KLHL9: variants seen among roughly 807,000 people sequenced by gnomAD.
KLHL9 encodes the protein kelch-like protein 9.
Under a neutral mutation model 42.3 loss-of-function variants are expected in KLHL9, and 27 were observed. That is an observed-to-expected ratio of 0.64 (90% confidence interval 0.47 to 0.88). The LOEUF is 0.88. Ranked by LOEUF, KLHL9 falls within the 40% of genes least tolerant of loss-of-function variation. The pLI is 0.00. For synonymous variants in KLHL9, 274 were observed against 254.4 expected, an observed-to-expected ratio of 1.08 and a Z score of -0.73; for missense variants, 629 against 750.3, an observed-to-expected ratio of 0.84 and a Z score of 1.89.
Position 21,334,270 on chromosome 9 carries a change from C to A in KLHL9, c.590G>T (p.Arg197Leu). 1 of 1,614,070 alleles carries A rather than the reference C, an allele frequency of 6.2e-7. No homozygotes were observed. The highest frequency in any genetic ancestry group is 1.1e-5 in the South Asian group (1 of 91,056). ...ATTACTGGAAAGCACAAATGCAAGT[C>A]GTTCAAAAGGGAGTTTTAGAAACTC... is the stretch of plus-strand genomic sequence containing the variant. ...TGEFLKLPFE[R>L]LAFVLSSNSL... The change falls in exon 1 of 1, where the codon CGA becomes CTA. Residue 197 changes from arginine to leucine, a missense_variant. By Grantham distance (102) the Arg-to-Leu change is moderately radical. Transcript: ENST00000359039. The surrounding 1 kb of genome is among the most constrained non-coding windows in gnomAD (Gnocchi z 5.1).
rs1292151529 is a variant in KLHL9 at position 21,332,926 on chromosome 9, C to G, written c.*80G>C. On this transcript the variant is annotated 3_prime_UTR_variant, in exon 1 of 1. Transcript: ENST00000359039. ...GTTACCTTTATATCTAATAACTGTA[C>G]CAATCACTGTAAGAAGATACAACTG... The G allele has an allele frequency of 4.4e-6, 7 of 1,596,278 alleles. No homozygotes were observed. The highest frequency in any genetic ancestry group is 5.1e-6 in the Non-Finnish European group (6 of 1,169,258).
Position 21,333,087 on chromosome 9 carries a change from T to C in KLHL9, c.1773A>G (p.Thr591=), listed in dbSNP as rs1194486642. 1 of 1,614,156 alleles carries C rather than the reference T, an allele frequency of 6.2e-7. No individual in the cohort carries two copies. The highest frequency in any genetic ancestry group is 1.3e-5 in the African/African-American group (1 of 75,028). ...TTTCTTCAGGTGGAAAAACTGTGAGTGTACAGGCTCGAATGCCACCAAGTG... is the reference window on the plus strand; with the variant it reads ...TTTCTTCAGGTGGAAAAACTGTGAGCGTACAGGCTCGAATGCCACCAAGTG... ...PESLGGIRAC[T]LTVFPPEENP... Residue 591 remains threonine (T), a synonymous_variant, in exon 1 of 1, where the codon ACA becomes ACG. Coordinates refer to ENST00000359039, the MANE Select transcript of KLHL9 (RefSeq NM_018847.4). The surrounding 1 kb of genome is among the most constrained non-coding windows in gnomAD (Gnocchi z 7.5).
rs1290563456 is a variant in KLHL9, at chr9:21,335,078, TAGAC to T, written c.-223_-220del. 11 of 605,074 alleles carry T rather than the reference TAGAC, an allele frequency of 1.8e-5. No individual in the cohort carries two copies. Among genetic ancestry groups the T allele is most frequent in the Non-Finnish European group, 3.2e-5 (11 of 346,932 alleles). The allele number at this position is 605,074 out of a possible 1,614,324, so 37.5% of individuals were successfully genotyped here. On this transcript the variant is annotated 5_prime_UTR_variant, in exon 1 of 1. The change abolishes the stop of an existing upstream ORF in the 5' untranslated region. Transcript: ENST00000359039. Reference sequence around the variant, plus strand: ...GGCTGTGGACCTCAAATCTGATTATTAGACAGATGATTCATCACCTGAAGGCGGT... The same window carrying T: ...GGCTGTGGACCTCAAATCTGATTATTAGATGATTCATCACCTGAAGGCGGT...
chr9:21,334,028 T>G lies in KLHL9; in HGVS notation c.832A>C (p.Met278Leu), dbSNP rs1214890275. ...ATCACTGGCTGCATATATGGCATCATTTGGTAATTGCTAGCTTCCAAAAGC... is the reference window on the plus strand; with the variant it reads ...ATCACTGGCTGCATATATGGCATCAGTTGGTAATTGCTAGCTTCCAAAAGC... ...NLLLEASNYQ[M>L]MPYMQPVMQS... The change falls in exon 1 of 1, where the codon ATG (methionine) becomes CTG (leucine). Residue 278 changes from methionine (M) to leucine (L), a missense_variant. By Grantham distance (15) the Met-to-Leu change is conservative (BLOSUM62 2). Coordinates refer to ENST00000359039, the MANE Select transcript of KLHL9 (RefSeq NM_018847.4). This position sits in a 1 kb window ranked among gnomAD's most constrained non-coding sequence, Gnocchi z 5.1. 6.2e-7 allele frequency: 1 copy of G among 1,614,240 alleles called. No individual in the cohort carries two copies. The highest frequency in any genetic ancestry group is 1.7e-5 in the Admixed American group (1 of 60,034).
chr9:21,332,873 TA>T lies in KLHL9; in HGVS notation c.*132del. On this transcript the variant is annotated 3_prime_UTR_variant, in exon 1 of 1. Transcript: ENST00000359039. ...TTTGTTAGCCACTTGATAAACATAC[TA>T]AAAGCCATACAAGACGAATAACATC... 1 of 1,360,800 alleles carries T rather than the reference TA, an allele frequency of 7.3e-7. No homozygotes were observed. Among genetic ancestry groups the T allele is most frequent in the Non-Finnish European group, 9.9e-7 (1 of 1,010,982 alleles). The allele number at this position is 1,360,800 out of a possible 1,614,324, so 84.3% of individuals were successfully genotyped here.
rs757149365 is a variant in KLHL9 at position 21,332,492 on chromosome 9, T to C, written c.*514A>G. 6.2e-6 allele frequency: 1 copy of C among 162,348 alleles called. No individual in the cohort carries two copies. The highest frequency in any genetic ancestry group is 1.4e-5 in the Non-Finnish European group (1 of 73,580). The allele number at this position is 162,348 out of a possible 1,614,324, so 10.1% of individuals were successfully genotyped here. On this transcript the variant is annotated 3_prime_UTR_variant, in exon 1 of 1. Coordinates refer to ENST00000359039, the MANE Select transcript of KLHL9 (RefSeq NM_018847.4). ...GATACCAAATACTGGCTTGGTGCTATACTGTTTTTTCCTAGTTAATATTTT... is the reference window on the plus strand; with the variant it reads ...GATACCAAATACTGGCTTGGTGCTACACTGTTTTTTCCTAGTTAATATTTT...
At position 21,334,762 on chromosome 9, in the gene KLHL9, C is replaced by T. The variant is rs1237048499; in HGVS notation, c.98G>A (p.Ser33Asn). Residue 33 changes from serine (S) to asparagine (N), a missense_variant, in exon 1 of 1, where the codon AGT (serine) becomes AAT (asparagine). Physicochemically the swap from Ser to Asn is conservative, Grantham distance 46. Transcript: ENST00000359039. The surrounding 1 kb of genome is among the most constrained non-coding windows in gnomAD (Gnocchi z 5.1). Reference sequence around the variant, plus strand: ...ATCAAAGCCTTGCAATACCACCGAACTGTGAGTATTGCTGGTAAAAAAGCG... The same window carrying T: ...ATCAAAGCCTTGCAATACCACCGAATTGTGAGTATTGCTGGTAAAAAAGCG... ...TTRFFTSNTH[S>N]SVVLQGFDQL... 1 of 1,612,502 alleles carries T rather than the reference C, an allele frequency of 6.2e-7. No individual in the cohort carries two copies. Among genetic ancestry groups the T allele is most frequent in the Non-Finnish European group, 8.5e-7 (1 of 1,179,072 alleles).
In KLHL9 at chr9:21,331,082, C is replaced by T. The variant is rs1820161025; in HGVS notation, c.*1924G>A. On this transcript the variant is annotated 3_prime_UTR_variant, in exon 1 of 1. Transcript: ENST00000359039. ...TAACTTGATACGAAAAACAAAGCAACTCCAACAGATAACAGAAGGGCAAAA... is the reference window on the plus strand; with the variant it reads ...TAACTTGATACGAAAAACAAAGCAATTCCAACAGATAACAGAAGGGCAAAA... The T allele has an allele frequency of 6.6e-6, 1 of 152,530 alleles. No individual in the cohort carries two copies. Among genetic ancestry groups the T allele is most frequent in the Non-Finnish European group, 1.5e-5 (1 of 68,026 alleles). 9.4% of individuals were successfully genotyped at this position (152,530 alleles called of 1,614,324 possible).
Position 21,331,946 on chromosome 9 carries a change from T to C in KLHL9, c.*1060A>G, listed in dbSNP as rs936984416. The C allele has an allele frequency of 6.6e-6, 1 of 152,578 alleles. No homozygotes were observed. Among genetic ancestry groups the C allele is most frequent in the Non-Finnish European group, 1.5e-5 (1 of 68,018 alleles). The allele number at this position is 152,578 out of a possible 1,614,324, so 9.5% of individuals were successfully genotyped here. A position where few individuals can be genotyped will look rare whatever the true frequency, so the allele number is the denominator to read the frequency against. Reference sequence around the variant, plus strand: ...AAATCACAAAATAATCATGTTAGGATGACTAAGTTGGGAGGCTGAACTTAA... The same window carrying C: ...AAATCACAAAATAATCATGTTAGGACGACTAAGTTGGGAGGCTGAACTTAA... On this transcript the variant is annotated 3_prime_UTR_variant, in exon 1 of 1. Transcript: ENST00000359039.
At position 21,335,269 on chromosome 9, in the gene KLHL9, G is replaced by C. The variant is rs1346600520; in HGVS notation, c.-410C>G. 4.4e-6 allele frequency: 2 copies of C among 453,166 alleles called. No homozygotes were observed. The highest frequency in any genetic ancestry group is 8.0e-6 in the Non-Finnish European group (2 of 248,744). The allele number at this position is 453,166 out of a possible 1,614,324, so 28.1% of individuals were successfully genotyped here. A position where few individuals can be genotyped will look rare whatever the true frequency, so the allele number is the denominator to read the frequency against. On this transcript the variant is annotated 5_prime_UTR_variant, in exon 1 of 1. Coordinates refer to ENST00000359039, the MANE Select transcript of KLHL9 (RefSeq NM_018847.4). Reference sequence around the variant, plus strand: ...CCCGCTGCGCCCTCCGCTGTACCTAGAGTGTCGCAGCGGCCACCGGCCTGT... The same window carrying C: ...CCCGCTGCGCCCTCCGCTGTACCTACAGTGTCGCAGCGGCCACCGGCCTGT...
rs1420406729 is a variant in KLHL9 at position 21,334,678 on chromosome 9, T to G, written c.182A>C (p.Glu61Ala). The change falls in exon 1 of 1, where the codon GAA becomes GCA. Residue 61 changes from glutamate (E) to alanine (A), a missense_variant. By Grantham distance (107) the Glu-to-Ala change is moderately radical (BLOSUM62 -1). This residue lies in a region of KLHL9 where 351 missense variants were observed against 363.1 expected (regional missense o/e 0.97). Coordinates refer to ENST00000359039, the MANE Select transcript of KLHL9 (RefSeq NM_018847.4). This position sits in a 1 kb window ranked among gnomAD's most constrained non-coding sequence, Gnocchi z 5.1. ...DVTLVPGDGD[E>A]IFPVHRAMMA... ...CATAGCTCTGTGAACAGGGAAGATTTCATCTCCATCACCTGGTACCAGGGT... is the reference window on the plus strand; with the variant it reads ...CATAGCTCTGTGAACAGGGAAGATTGCATCTCCATCACCTGGTACCAGGGT... 1 of 1,614,172 alleles carries G rather than the reference T, an allele frequency of 6.2e-7. No individual in the cohort carries two copies. The highest frequency in any genetic ancestry group is 8.5e-7 in the Non-Finnish European group (1 of 1,180,020).
At position 21,334,287 on chromosome 9, in the gene KLHL9, T is replaced by C. The variant is rs140019448; in HGVS notation, c.573A>G (p.Leu191=). ...FPALLSTGEF[L]KLPFERLAFV... Reference sequence around the variant, plus strand: ...ATGCAAGTCGTTCAAAAGGGAGTTTTAGAAACTCCCCAGTACTCAATAAAG... The same window carrying C: ...ATGCAAGTCGTTCAAAAGGGAGTTTCAGAAACTCCCCAGTACTCAATAAAG... Residue 191 remains leucine (L), a synonymous_variant, in exon 1 of 1, where the codon CTA becomes CTG. Coordinates refer to ENST00000359039, the MANE Select transcript of KLHL9 (RefSeq NM_018847.4). This position sits in a 1 kb window ranked among gnomAD's most constrained non-coding sequence, Gnocchi z 5.1. 1.5e-4 allele frequency: 244 copies of C among 1,614,102 alleles called. No homozygotes were observed. The Middle Eastern group carries it at 6.3e-3, about 41-fold the overall frequency.
Position 21,333,554 on chromosome 9 carries a change from G to C in KLHL9, c.1306C>G (p.His436Asp). The C allele has an allele frequency of 1.2e-6, 2 of 1,614,166 alleles. No individual in the cohort carries two copies. Among genetic ancestry groups the C allele is most frequent in the Non-Finnish European group, 1.7e-6 (2 of 1,180,040 alleles). ...TATACTGTTCCAGCATGACCATAGT[G>C]GGGTTCACTCATTTTTGCAACATAG... ...WSYVAKMSEPHYGHAGTVYGG... is the reference protein window; with the variant it reads ...WSYVAKMSEPDYGHAGTVYGG... The change falls in exon 1 of 1, where the codon CAC (histidine) becomes GAC (aspartate). Residue 436 changes from histidine (H) to aspartate (D), a missense_variant. This residue lies in a region of KLHL9 where 214 missense variants were observed against 305.8 expected (regional missense o/e 0.70). Coordinates refer to ENST00000359039, the MANE Select transcript of KLHL9 (RefSeq NM_018847.4). This position sits in a 1 kb window ranked among gnomAD's most constrained non-coding sequence, Gnocchi z 7.5.
chr9:21,329,749 C>G lies in KLHL9; in HGVS notation c.*3257G>C, dbSNP rs887181380. On this transcript the variant is annotated 3_prime_UTR_variant, in exon 1 of 1. Coordinates refer to ENST00000359039, the MANE Select transcript of KLHL9 (RefSeq NM_018847.4). ...ATACTTGAAAAATATTTGACAAATG[C>G]CTGCACATATGTACGTATATATATA... The G allele has an allele frequency of 2.3e-4, 35 of 149,640 alleles. No individual in the cohort carries two copies. Among genetic ancestry groups the G allele is most frequent in the African/African-American group, 8.4e-4 (34 of 40,526 alleles). 9.3% of individuals were successfully genotyped at this position (149,640 alleles called of 1,614,324 possible).
At position 21,332,973 on chromosome 9, in the gene KLHL9, C is replaced by T; in HGVS notation, c.*33G>A. 6.2e-7 allele frequency: 1 copy of T among 1,613,710 alleles called. No individual in the cohort carries two copies. The highest frequency in any genetic ancestry group is 1.1e-5 in the South Asian group (1 of 91,026). ...ACTGAAGGGGAAGTATTAGATCACCCATGACGTACTGCAAAGGTGTTACAC... is the reference window on the plus strand; with the variant it reads ...ACTGAAGGGGAAGTATTAGATCACCTATGACGTACTGCAAAGGTGTTACAC... On this transcript the variant is annotated 3_prime_UTR_variant, in exon 1 of 1. Coordinates refer to ENST00000359039, the MANE Select transcript of KLHL9 (RefSeq NM_018847.4).
chr9:21,334,464 T>C lies in KLHL9; in HGVS notation c.396A>G (p.Leu132=). The C allele has an allele frequency of 5.0e-6, 8 of 1,613,956 alleles. No individual in the cohort carries two copies. Among genetic ancestry groups the C allele is most frequent in the Non-Finnish European group, 6.8e-6 (8 of 1,179,904 alleles). ...LQDTLEAASF[L]QILPVLDFCK... Reference sequence around the variant, plus strand: ...AGAAATCCAAAACGGGTAATATTTGTAAAAAGCTAGCAGCTTCAAGTGTGT... The same window carrying C: ...AGAAATCCAAAACGGGTAATATTTGCAAAAAGCTAGCAGCTTCAAGTGTGT... Residue 132 remains leucine, a synonymous_variant, in exon 1 of 1, where the codon TTA becomes TTG. Transcript: ENST00000359039. The surrounding 1 kb of genome is among the most constrained non-coding windows in gnomAD (Gnocchi z 5.1).
At position 21,334,854 on chromosome 9, in the gene KLHL9, T is replaced by C. The variant is rs12348079; in HGVS notation, c.6A>G (p.Lys2=). Residue 2 remains lysine, a synonymous_variant, in exon 1 of 1, where the codon AAA becomes AAG. Coordinates refer to ENST00000359039, the MANE Select transcript of KLHL9 (RefSeq NM_018847.4). This position sits in a 1 kb window ranked among gnomAD's most constrained non-coding sequence, Gnocchi z 5.1. ...CCATTTCGCCGTTACCAAGGGACAC[T>C]TTCATGTGAAAGCTTTCCTCTTGCA... M[K]VSLGNGEMGV... 6.2e-7 allele frequency: 1 copy of C among 1,614,176 alleles called. No homozygotes were observed. The highest frequency in any genetic ancestry group is 8.5e-7 in the Non-Finnish European group (1 of 1,180,018).
rs1820249256 is a variant in KLHL9 at position 21,335,205 on chromosome 9, G to C, written c.-346C>G. The C allele has an allele frequency of 2.0e-6, 1 of 498,820 alleles. No homozygotes were observed. Among genetic ancestry groups the C allele is most frequent in the Admixed American group, 3.8e-5 (1 of 26,540 alleles). 30.9% of individuals were successfully genotyped at this position (498,820 alleles called of 1,614,324 possible). ...GCGCCGCCACGTACTGTGGCTCCACGGCCCGCTCGGCGGCGGGTCCGGACA... is the reference window on the plus strand; with the variant it reads ...GCGCCGCCACGTACTGTGGCTCCACCGCCCGCTCGGCGGCGGGTCCGGACA... On this transcript the variant is annotated 5_prime_UTR_variant, in exon 1 of 1. Coordinates refer to ENST00000359039, the MANE Select transcript of KLHL9 (RefSeq NM_018847.4).
In KLHL9 at chr9:21,331,436, T is replaced by C. The variant is rs1335053208; in HGVS notation, c.*1570A>G. On this transcript the variant is annotated 3_prime_UTR_variant, in exon 1 of 1. Coordinates refer to ENST00000359039, the MANE Select transcript of KLHL9 (RefSeq NM_018847.4). ...GTTCCTGAGTTTTATTATGGGATTG[T>C]CAATAAGGAGAAAGTTGTTCCTGAT... 1 of 152,478 alleles carries C rather than the reference T, an allele frequency of 6.6e-6. No individual in the cohort carries two copies. Among genetic ancestry groups the C allele is most frequent in the Non-Finnish European group, 1.5e-5 (1 of 68,016 alleles). The allele number at this position is 152,478 out of a possible 1,614,324, so 9.4% of individuals were successfully genotyped here.
Sources: allele counts gnomAD v4.1 joint callset, GRCh38; gene constraint gnomAD v4.1.1; regional missense constraint gnomAD v4.1.1; non-coding constraint Gnocchi (gnomAD v3.1); transcripts MANE v1.5; gene names NCBI Gene and HGNC (gene_info 2026-07-23, HGNC 2026-07-21).